EPB41: variants seen among roughly 807,000 people sequenced by gnomAD.
EPB41 encodes erythrocyte membrane protein band 4.1.
EPB41 carries 65 observed loss-of-function variants against 108.0 expected under a neutral mutation model. That is an observed-to-expected ratio of 0.60 (90% CI 0.49 to 0.74). The LOEUF is 0.74. EPB41 is among the 30% of genes least tolerant of loss of function. The probability of loss-of-function intolerance (pLI) is 0.00; values close to 1 mark genes in which losing one functional copy is unlikely to be tolerated. For synonymous variants in EPB41, 336 were observed against 358.9 expected, an observed-to-expected ratio of 0.94 and a Z score of 0.72; for missense variants, 875 against 1,037.0, an observed-to-expected ratio of 0.84 and a Z score of 2.15.
At chr1:28,992,353 TAAA>T (rs2149594095) in intron 2 of EPB41, among the ~76,000 whole-genome samples, 1 of 152,300 alleles carries the variant, frequency 6.6e-6, no homozygotes, top group African/African-American at 2.4e-5. Context: ...CGGGTTTAGA[TAAA>T]AATATGTCGG....
chr1:29,076,193 A>G (rs927397199), intron 16 of EPB41, among the ~76,000 whole-genome samples: 1 of 152,208 alleles, frequency 6.6e-6, no homozygotes, highest in African/African-American at 2.4e-5. Context: ...ATTCAGATCT[A>G]TTCCAGTCTT....
rs376145914 is a variant in EPB41, at chr1:29,115,415, A to T, written c.2497-284A>T. Among the ~76,000 whole-genome samples the T allele has an allele frequency of 5.3e-5, 8 of 152,152 alleles. No homozygotes were observed. Among genetic ancestry groups the T allele is most frequent in the African/African-American group, 9.7e-5 (4 of 41,442 alleles). On this transcript the variant is annotated intron_variant, in intron 19 of 20. Transcript: ENST00000343067. The surrounding 1 kb of genome is among the most constrained non-coding windows in gnomAD (Gnocchi z 4.4). ...CTCAACAACAACAAAAAATAAAAAA[A>T]AAATAAAGGATCATATAACAGATAC...
At chr1:28,917,018 T>C (rs2092721998) in intron 1 of EPB41, among the ~76,000 whole-genome samples, 1 of 152,086 alleles carries the variant, frequency 6.6e-6, no homozygotes, top group Non-Finnish European at 1.5e-5. Flanking sequence ...CTTGAATTCC[T>C]GGACTCAAGA....
intron 11 of EPB41, among the ~76,000 whole-genome samples, chr1:29,043,572 A>G (rs1441555176): frequency 3.7e-4 from 56 of 152,236 alleles, no homozygotes; most frequent in Admixed American, 3.7e-3. Context: ...CTCACATATC[A>G]GACAGCATAG....
intron 7 of EPB41, among the ~76,000 whole-genome samples, chr1:29,021,669 G>A (rs2096647506): frequency 6.6e-6 from 1 of 150,650 alleles, no homozygotes; most frequent in African/African-American, 2.4e-5. Flanking sequence ...TGCAAGCTCC[G>A]TCTCCCGGGT....
intron 1 of EPB41, among the ~76,000 whole-genome samples, chr1:28,980,410 G>GA (rs966323080): frequency 3.3e-5 from 5 of 151,486 alleles, no homozygotes; most frequent in South Asian, 4.2e-4. Context: ...GGAGGGTTGA[G>GA]AAAAAAAATA....
At chr1:28,927,850 A>C (rs1049989954) in intron 1 of EPB41, among the ~76,000 whole-genome samples, 2 of 152,164 alleles carry the variant, frequency 1.3e-5, no homozygotes, top group African/African-American at 4.8e-5. Context: ...CAATAAATAA[A>C]AGCCAGGGTC....
intron 1 of EPB41, among the ~76,000 whole-genome samples, chr1:28,964,023 C>G (rs1212209499): frequency 1.3e-5 from 2 of 152,206 alleles, no homozygotes; most frequent in Non-Finnish European, 2.9e-5. Context: ...GATTCAGGCT[C>G]TCATGATCTT....
At chr1:28,907,237 G>T (rs1362579760) in intron 1 of EPB41, among the ~76,000 whole-genome samples, 2 of 151,526 alleles carry the variant, frequency 1.3e-5, no homozygotes, top group African/African-American at 4.9e-5. Flanking sequence ...GCTGATATTT[G>T]TATTTTTAGT....
At chr1:29,102,659 C>T (rs1665825601) in intron 17 of EPB41, among the ~76,000 whole-genome samples, 1 of 152,194 alleles carries the variant, frequency 6.6e-6, no homozygotes, top group Admixed American at 6.5e-5. Flanking sequence ...ATGATCTCAG[C>T]TCACTGCAAC....
intron 1 of EPB41, among the ~76,000 whole-genome samples, chr1:28,908,500 C>T (rs576134737): frequency 5.0e-4 from 76 of 150,552 alleles, no homozygotes; most frequent in African/African-American, 1.7e-3. Flanking sequence ...GGCATGATCT[C>T]GTCTCGCTGC....
chr1:28,945,959 A>G (rs1228658249), intron 1 of EPB41, among the ~76,000 whole-genome samples: 1 of 152,170 alleles, frequency 6.6e-6, no homozygotes, highest in Non-Finnish European at 1.5e-5. Flanking sequence ...GAGTATCCCA[A>G]CTGTGATAGG....
At chr1:29,034,973 G>GTTTTTTT (rs10580931) in intron 9 of EPB41, among the ~76,000 whole-genome samples, 115 of 87,118 alleles carry the variant, frequency 1.3e-3, no homozygotes, top group Non-Finnish European at 2.1e-3. Context: ...TTTGTTTGTT[G>GTTTTTTT]TTTTTTTTTT....
chr1:28,950,531 C>T (rs1452054860), intron 1 of EPB41, among the ~76,000 whole-genome samples: 1 of 152,218 alleles, frequency 6.6e-6, no homozygotes, highest in South Asian at 2.1e-4. Flanking sequence ...TGGTCCCAGT[C>T]TCCTAAATTT....
Position 29,030,428 on chromosome 1 carries a change from G to T in EPB41, c.1153G>T (p.Glu385Ter). 6.2e-7 allele frequency: 1 copy of T among 1,614,048 alleles called. No homozygotes were observed. Among genetic ancestry groups the T allele is most frequent in the East Asian group, 2.2e-5 (1 of 44,850 alleles). Residue 385 changes from glutamate to a stop codon, truncating the protein, a stop_gained, in exon 8 of 21, where the codon GAG (glutamate) becomes TAG (stop). Transcript: ENST00000343067. LOFTEE classifies it high-confidence loss of function. Reference protein sequence around the residue: ...RSMTPAQADLEFLENAKKLSM... With the variant: ...RSMTPAQADL Reference sequence around the variant, plus strand: ...CATGACTCCAGCTCAGGCTGACTTGGAGTTTCTTGAGAATGCCAAAAAGTT... The same window carrying T: ...CATGACTCCAGCTCAGGCTGACTTGTAGTTTCTTGAGAATGCCAAAAAGTT...
At chr1:29,112,477 G>C in intron 19 of EPB41, 29 bp downstream of exon 19, 1 of 1,590,962 alleles carries the variant, frequency 6.3e-7, no homozygotes, top group Non-Finnish European at 8.6e-7. Flanking sequence ...TCTGGGCCTG[G>C]GAGGGGTCCC....
At chr1:28,900,881 A>C (rs548199724) in intron 1 of EPB41, among the ~76,000 whole-genome samples, 2 of 152,046 alleles carry the variant, frequency 1.3e-5, no homozygotes, top group Admixed American at 6.5e-5. Flanking sequence ...CATCTCTTTA[A>C]ATTTTTTGTT....
chr1:28,954,824 A>G lies in EPB41; in HGVS notation c.-7-32607A>G, dbSNP rs376840667. On this transcript the variant is annotated intron_variant, in intron 1 of 20. Transcript: ENST00000343067. ...TTCCAATTCAAGCCCAGTCTGATGA[A>G]GTGATTTCCAACCTTAATTAGTAAC... 7.2e-5 allele frequency among the ~76,000 whole-genome samples: 11 copies of G among 152,324 alleles called. No homozygotes were observed. In the East Asian group the frequency reaches 1.2e-3, roughly 16 times the overall value.
At chr1:28,972,296 C>T (rs2095513871) in intron 1 of EPB41, among the ~76,000 whole-genome samples, 1 of 152,176 alleles carries the variant, frequency 6.6e-6, no homozygotes, top group African/African-American at 2.4e-5. Context: ...TTCACATTGT[C>T]CTCATTGATG....
Sources: allele counts gnomAD v4.1 joint callset (sites outside exome capture counted in the v4.1 genomes callset), GRCh38; gene constraint gnomAD v4.1.1; non-coding constraint Gnocchi (gnomAD v3.1); transcripts MANE v1.5; gene names NCBI Gene and HGNC (gene_info 2026-07-23, HGNC 2026-07-21).